Variants in RIF1 observed in about 807,000 individuals in gnomAD.
RIF1 encodes replication timing regulatory factor 1, also known as telomere-associated protein RIF1.
RIF1 carries 45 observed loss-of-function variants against 247.1 expected under a neutral mutation model. The ratio of observed to expected loss-of-function variants is 0.18; its 90% confidence interval spans 0.14 to 0.23. The LOEUF (loss-of-function observed/expected upper bound fraction) is 0.23. RIF1 is among the 10% of genes least tolerant of loss of function. The pLI, the probability that RIF1 is intolerant of heterozygous loss-of-function variation, is 1.00. For missense variants in RIF1, 2,967 were observed against 2,862.5 expected (o/e 1.04, Z -0.83); for synonymous variants, 1,087 against 978.8 (o/e 1.11, Z -2.06).
chr2:151,502,724 C>A (rs1225703904), intron 11 of RIF1: 3 of 840,960 alleles, frequency 3.6e-6, no homozygotes, highest in Non-Finnish European at 5.8e-6. Flanking sequence ...AGTAATTTTA[C>A]ATTTGTAAGG....
downstream of RIF1, chr2:151,508,074 C>T (rs770713773): frequency 1.9e-5 from 30 of 1,610,008 alleles, no homozygotes; most frequent in Middle Eastern, 1.6e-4. Context: ...TCTCATAATA[C>T]GACATGGACT....
In RIF1 at chr2:151,465,502, A is replaced by G; in HGVS notation, c.5982A>G (p.Thr1994=). ...LNAQTEISEQ[T]AAGELDGGND... ...CTCAAACTGAGATTTCTGAACAAAC[A>G]GCAGCTGGGGAACTAGATGGAGGAA... The change falls in exon 30 of 36, where the codon ACA becomes ACG. Residue 1994 remains threonine, a synonymous_variant. Coordinates refer to ENST00000444746, the MANE Select transcript of RIF1 (RefSeq NM_018151.5). 6.2e-7 allele frequency: 1 copy of G among 1,614,050 alleles called. No homozygotes were observed. Among genetic ancestry groups the G allele is most frequent in the Non-Finnish European group, 8.5e-7 (1 of 1,179,940 alleles).
At chr2:151,500,665 C>T (rs1390170017) in intron 11 of RIF1, among the ~76,000 whole-genome samples, 7 of 146,168 alleles carry the variant, frequency 4.8e-5, no homozygotes, top group Admixed American at 2.8e-4. Context: ...GGCACAATCA[C>T]GGCTCACTGC....
At chr2:151,453,631 A>G (rs1211742348) in intron 21 of RIF1, among the ~76,000 whole-genome samples, 2 of 151,628 alleles carry the variant, frequency 1.3e-5, no homozygotes, top group Admixed American at 1.3e-4. Context: ...GAGTCTCTCA[A>G]TCTGGGATTA....
chr2:151,456,151 T>C (rs759443444), intron 22 of RIF1, among the ~76,000 whole-genome samples: 1 of 152,220 alleles, frequency 6.6e-6, no homozygotes, highest in South Asian at 2.1e-4. Context: ...ATGAATATTC[T>C]TTATAGCAAG....
At chr2:151,512,415 G>A (rs549447969), downstream of RIF1, among the ~76,000 whole-genome samples, 241 of 151,770 alleles carry the variant, frequency 1.6e-3, 1 homozygote, top group African/African-American at 5.3e-3. Context: ...AGCCTCAACC[G>A]CCTGGGCTCA....
chr2:151,487,577 TTAA>T (rs2051949613), intron 9 of RIF1, among the ~76,000 whole-genome samples: 2 of 152,306 alleles, frequency 1.3e-5, no homozygotes, highest in East Asian at 1.9e-4. Context: ...ATTTCACATT[TTAA>T]TAATATCACG....
At position 151,462,994 on chromosome 2, in the gene RIF1, T is replaced by C. The variant is rs1377261253; in HGVS notation, c.3474T>C (p.Leu1158=). The C allele has an allele frequency of 2.5e-6, 4 of 1,613,854 alleles. No homozygotes were observed. The African/African-American group carries it at 5.3e-5, about 22-fold the overall frequency. The stretch of plus-strand genomic sequence containing the variant: ...TTTCGAATAATGAGTGTGGTTCTCT[T>C]GACAAAACCAGTCCAGAAATGTCAA... ...SSLSNNECGS[L]DKTSPEMSNS... is the part of the protein sequence containing the mutation. Residue 1158 remains leucine, a synonymous_variant, in exon 30 of 36, where the codon CTT becomes CTC. Transcript: ENST00000444746.
At chr2:151,500,127 A>T (rs2063311966) in intron 11 of RIF1, among the ~76,000 whole-genome samples, 1 of 152,126 alleles carries the variant, frequency 6.6e-6, no homozygotes, top group Non-Finnish European at 1.5e-5. Flanking sequence ...TGAGTATAAC[A>T]TTCCAAAAGA....
chr2:151,479,811 G>A lies in RIF1; in HGVS notation c.*4740G>A, dbSNP rs954182306. On this transcript the variant is annotated 3_prime_UTR_variant, in exon 36 of 36. Coordinates refer to ENST00000444746, the MANE Select transcript of RIF1 (RefSeq NM_018151.5). ...TGAAAGCACTAAGGAAAATGTAGCC[G>A]AAAGTTAAGTAATAGGTTTTAAAAA... is the stretch of plus-strand genomic sequence containing the variant. 3.9e-5 allele frequency: 6 copies of A among 152,130 alleles called. No homozygotes were observed. The highest frequency in any genetic ancestry group is 2.1e-4 in the South Asian group (1 of 4,834). The allele number at this position is 152,130 out of a possible 1,614,324, so 9.4% of individuals were successfully genotyped here. A position where few individuals can be genotyped will look rare whatever the true frequency, so the allele number is the denominator to read the frequency against.
At chr2:151,518,198 C>A in the RIF1 span, 2 of 766,614 alleles carry the variant, frequency 2.6e-6, no homozygotes, top group Non-Finnish European at 2.3e-6. Flanking sequence ...TTACCAGATT[C>A]AAAACCCCTT....
At chr2:151,456,548 A>T (rs368311161) in intron 22 of RIF1, 30 bp from the exon 23 acceptor site, 1 of 1,265,712 alleles carries the variant, frequency 7.9e-7, no homozygotes, top group Non-Finnish European at 1.1e-6. Flanking sequence ...TTGCAGAAAT[A>T]TAAATGGTAT....
At position 151,432,300 on chromosome 2, in the gene RIF1, A is replaced by ACG. The variant is rs1211961978; in HGVS notation, c.926-775_926-774dup. Among the ~76,000 whole-genome samples, 3 of 152,104 alleles carry ACG rather than the reference A, an allele frequency of 2.0e-5. No individual in the cohort carries two copies. In the East Asian group the frequency reaches 5.8e-4, roughly 29 times the overall value. On this transcript the variant is annotated intron_variant, in intron 9 of 35. Transcript: ENST00000444746. The stretch of plus-strand genomic sequence containing the variant: ...GCCAGGATTATAGGCGTGAACCACC[A>ACG]CGCCCAGCCCTTTTAAGGTCTTTTT...
intron 2 of RIF1, 110 bp from the exon 3 acceptor site, chr2:151,411,150 C>T: frequency 2.9e-6 from 2 of 685,074 alleles, no homozygotes; most frequent in East Asian, 5.2e-5. Context: ...TGGGTCAATT[C>T]ATTTGCAGGA....
chr2:151,514,487 G>T, the RIF1 span: 2 of 1,312,152 alleles, frequency 1.5e-6, no homozygotes, highest in East Asian at 2.3e-5. Flanking sequence ...ATTCTCTCAG[G>T]CAAAGAAGAA....
rs71000475 is a variant in RIF1 at position 151,424,825 on chromosome 2, A to ATTTT, written c.786+1811_786+1814dup. On this transcript the variant is annotated intron_variant, in intron 8 of 35. Coordinates refer to ENST00000444746, the MANE Select transcript of RIF1 (RefSeq NM_018151.5). ...CTGGGACTACCACCCAGCCCGGCTG[A>ATTTT]TTTTTTTTTTTTTTTTTTTTTTTTT... 3.5e-3 allele frequency among the ~76,000 whole-genome samples: 166 copies of ATTTT among 47,244 alleles called. 3 individuals are homozygous for ATTTT. The highest frequency in any genetic ancestry group is 7.9e-3 in the African/African-American group (99 of 12,458). 31.0% of individuals were successfully genotyped at this position (47,244 alleles called of 152,430 possible).
chr2:151,446,837 G>C (rs894672706), intron 20 of RIF1, among the ~76,000 whole-genome samples: 1 of 151,910 alleles, frequency 6.6e-6, no homozygotes, highest in African/African-American at 2.4e-5. Flanking sequence ...AACACTTCAA[G>C]GGCCTTGCTC....
intron 11 of RIF1, among the ~76,000 whole-genome samples, chr2:151,501,051 T>G (rs2064090461): frequency 6.6e-6 from 1 of 152,208 alleles, no homozygotes; most frequent in African/African-American, 2.4e-5. Context: ...TTTTCTTGCA[T>G]CTCTAACCCA....
At chr2:151,460,695 C>G (rs1188864806) in intron 26 of RIF1, among the ~76,000 whole-genome samples, 2 of 152,142 alleles carry the variant, frequency 1.3e-5, no homozygotes, top group Non-Finnish European at 1.5e-5. Flanking sequence ...CTTGTAGCAA[C>G]TATAAATAGA....
Sources: allele counts gnomAD v4.1 joint callset (sites outside exome capture counted in the v4.1 genomes callset), GRCh38; gene constraint gnomAD v4.1.1; transcripts MANE v1.5; gene names NCBI Gene and HGNC (gene_info 2026-07-23, HGNC 2026-07-21).